The following WDR24 variants were observed in gnomAD, a reference collection of about 807,000 sequenced individuals.
The protein encoded by WDR24 is WD repeat domain 24, also known as GATOR2 complex protein WDR24.
WDR24 carries 32 observed loss-of-function variants against 66.7 expected under a neutral mutation model. The observed-to-expected ratio is 0.48, with a 90% confidence interval of 0.36 to 0.64. The LOEUF (loss-of-function observed/expected upper bound fraction) is 0.64. Ranked by LOEUF, WDR24 falls within the 30% of genes least tolerant of loss-of-function variation. The pLI is 0.00. For synonymous variants in WDR24, 565 were observed against 469.1 expected, an observed-to-expected ratio of 1.20 and a Z score of -2.64; for missense variants, 978 against 1,144.1, an observed-to-expected ratio of 0.85 and a Z score of 2.09.
chr16:688,546 C>T (rs2039934784), intron 1 of WDR24, among the ~76,000 whole-genome samples: 1 of 152,244 alleles, frequency 6.6e-6, no homozygotes, highest in African/African-American at 2.4e-5. Flanking sequence ...CCTGCCTCGG[C>T]CTCCCAAAGT....
Position 687,080 on chromosome 16 carries a change from G to C in WDR24, c.996C>G (p.Ser332Arg). ...CAGGGTTGGCGCGCTCGACGGGCTG[G>C]CTGGCGTCGCGGAACAGGTGCTGGC... ...SLCQHLFRDA[S>R]QPVERANPEG... is the part of the protein sequence containing the mutation. Residue 332 changes from serine (S) to arginine (R), a missense_variant, in exon 3 of 9, where the codon AGC becomes AGG. By Grantham distance (110) the Ser-to-Arg change is moderately radical (BLOSUM62 -1). Around this residue, in one of 2 missense-constraint regions of WDR24, gnomAD observed 302 missense variants for 526.6 expected, o/e 0.57. Transcript: ENST00000293883. The C allele has an allele frequency of 1.2e-6, 2 of 1,607,252 alleles. No homozygotes were observed. Among genetic ancestry groups the C allele is most frequent in the South Asian group, 1.1e-5 (1 of 90,912 alleles).
At chr16:688,691 C>T (rs943891013) in intron 1 of WDR24, among the ~76,000 whole-genome samples, 1 of 152,272 alleles carries the variant, frequency 6.6e-6, no homozygotes, top group African/African-American at 2.4e-5. Context: ...GGAGAGCTGG[C>T]TCAGGGCAGC....
In WDR24 at chr16:687,254, C is replaced by T; in HGVS notation, c.822G>A (p.Val274=). 6.2e-7 allele frequency: 1 copy of T among 1,612,318 alleles called. No homozygotes were observed. The highest frequency in any genetic ancestry group is 8.5e-7 in the Non-Finnish European group (1 of 1,179,930). The change falls in exon 3 of 9, where the codon GTG becomes GTA. Residue 274 remains valine, a synonymous_variant. Transcript: ENST00000293883. ...CGTCCCAAACATAGATGTTGTGGTCCACCATCATGGAGCACGTGGCCAGGT... is the reference window on the plus strand; with the variant it reads ...CGTCCCAAACATAGATGTTGTGGTCTACCATCATGGAGCACGTGGCCAGGT... The part of the protein sequence containing the change: ...RHHLATCSMM[V]DHNIYVWDVR...
chr16:685,996 G>A lies in WDR24; in HGVS notation c.1452-6C>T, dbSNP rs2039899859. 1 of 1,613,024 alleles carries A rather than the reference G, an allele frequency of 6.2e-7. No homozygotes were observed. Among genetic ancestry groups the A allele is most frequent in the East Asian group, 2.2e-5 (1 of 44,880 alleles). ...CCATATCCTTCAGGTTGAAACTGGG[G>A]GCAGGAAGGGCCCATGGGTGGGTGG... is the stretch of plus-strand genomic sequence containing the variant. On this transcript the variant is annotated splice_polypyrimidine_tract_variant and splice_region_variant and intron_variant, in intron 4 of 8. Coordinates refer to ENST00000293883, the MANE Select transcript of WDR24 (RefSeq NM_032259.4).
At chr16:688,507 G>A (rs541339525) in intron 1 of WDR24, among the ~76,000 whole-genome samples, 2 of 152,338 alleles carry the variant, frequency 1.3e-5, no homozygotes, top group Admixed American at 1.3e-4. Context: ...TTAGCCAGGA[G>A]GGTCTCAATC....
At position 684,733 on chromosome 16, in the gene WDR24, G is replaced by A. The variant is rs1467789673; in HGVS notation, c.*1C>T. ...CCCGGGCAAGCCCAGCAGATGCCCC[G>A]TCAGGAGTACTCGCAGAGGTGGCCG... is the stretch of plus-strand genomic sequence containing the variant. On this transcript the variant is annotated 3_prime_UTR_variant, in exon 9 of 9. Coordinates refer to ENST00000293883, the MANE Select transcript of WDR24 (RefSeq NM_032259.4). 2 of 1,591,942 alleles carry A rather than the reference G, an allele frequency of 1.3e-6. No homozygotes were observed. The highest frequency in any genetic ancestry group is 1.7e-5 in the Admixed American group (1 of 58,550).
Position 685,920 on chromosome 16 carries a change from G to C in WDR24, c.1522C>G (p.Arg508Gly). 6.2e-7 allele frequency: 1 copy of C among 1,613,096 alleles called. No homozygotes were observed. Among genetic ancestry groups the C allele is most frequent in the Non-Finnish European group, 8.5e-7 (1 of 1,179,990 alleles). Residue 508 changes from arginine (R) to glycine (G), a missense_variant, in exon 5 of 9, where the codon CGG becomes GGG. Arg to Gly is a moderately radical substitution (Grantham distance 125). Around this residue, in one of 2 missense-constraint regions of WDR24, gnomAD observed 676 missense variants for 617.5 expected, o/e 1.09. Coordinates refer to ENST00000293883, the MANE Select transcript of WDR24 (RefSeq NM_032259.4). ...TRLDRSKGDA[R>G]SDTVLLDSSA... ...GAGTCGAGCAGAACTGTGTCGCTCC[G>C]TGCATCTCCTTTGCTGCGGTCCAGC...
rs2039942357 is a variant in WDR24, at chr16:689,333, T to C, written c.308A>G (p.Asn103Ser). 1.2e-6 allele frequency: 2 copies of C among 1,613,656 alleles called. No homozygotes were observed. Among genetic ancestry groups the C allele is most frequent in the Non-Finnish European group, 1.7e-6 (2 of 1,179,978 alleles). Residue 103 changes from asparagine to serine, a missense_variant, in exon 1 of 9, where the codon AAC becomes AGC. Transcript: ENST00000293883. ...CTTGTTGCGGGATGGCCGGCCCAGG[T>C]TCCACGTGACCACCACGCCATTGGT... ...AATNGVVVTW[N>S]LGRPSRNKQD...
chr16:686,927 C>T lies in WDR24; in HGVS notation c.1149G>A (p.Leu383=), dbSNP rs1483303221. ...GGCCTGCGAAGGGCTCGGCAGGGTCCAGCTTGCGCTTAAAGAAGATGGGGT... is the reference window on the plus strand; with the variant it reads ...GGCCTGCGAAGGGCTCGGCAGGGTCTAGCTTGCGCTTAAAGAAGATGGGGT... ...RRHPIFFKRK[L]DPAEPFAGLA... is the part of the protein sequence containing the mutation. Residue 383 remains leucine (L), a synonymous_variant, in exon 3 of 9, where the codon CTG becomes CTA. Coordinates refer to ENST00000293883, the MANE Select transcript of WDR24 (RefSeq NM_032259.4). 1 of 1,605,270 alleles carries T rather than the reference C, an allele frequency of 6.2e-7. No individual in the cohort carries two copies. The highest frequency in any genetic ancestry group is 8.5e-7 in the Non-Finnish European group (1 of 1,178,532).
Position 686,869 on chromosome 16 carries a change from C to T in WDR24, c.1207G>A (p.Glu403Lys). The T allele has an allele frequency of 6.2e-7, 1 of 1,610,230 alleles. No individual in the cohort carries two copies. The highest frequency in any genetic ancestry group is 8.5e-7 in the Non-Finnish European group (1 of 1,179,690). ...CAGCGCATGCCGCCGCCACCTGGCT[C>T]CGTCTCAAAGACACTGAGGGCACTG... ...ASSALSVFETEPGGGGMRWFV... is the reference protein window; with the variant it reads ...ASSALSVFETKPGGGGMRWFV... The change falls in exon 3 of 9, where the codon GAG becomes AAG. Residue 403 changes from glutamate (E) to lysine (K), a missense_variant. Coordinates refer to ENST00000293883, the MANE Select transcript of WDR24 (RefSeq NM_032259.4).
At position 685,527 on chromosome 16, in the gene WDR24, G is replaced by T. The variant is rs2039886372; in HGVS notation, c.1749C>A (p.Pro583=). ...PLRHEIVDTP[P]GPEHLQDKAD... ...CCTTGTCCTGCAGGTGCTCGGGCCC[G>T]GGAGGCGTGTCCACGATCTCGTGGC... Residue 583 remains proline (P), a synonymous_variant, in exon 7 of 9, where the codon CCC becomes CCA. Transcript: ENST00000293883. 1.3e-6 allele frequency: 2 copies of T among 1,588,214 alleles called. No individual in the cohort carries two copies. Among genetic ancestry groups the T allele is most frequent in the Non-Finnish European group, 8.6e-7 (1 of 1,164,404 alleles).
intron 5 of WDR24, 25 bp from the exon 6 acceptor site, chr16:685,808 C>T (rs1265562491): frequency 1.2e-6 from 2 of 1,613,110 alleles, no homozygotes; most frequent in Non-Finnish European, 1.7e-6. Context: ...GGCGGGCATT[C>T]AGGGTCGTCT....
Position 686,628 on chromosome 16 carries a change from T to A in WDR24, c.1332+116A>T, listed in dbSNP as rs550005532. On this transcript the variant is annotated intron_variant, in intron 3 of 8. Transcript: ENST00000293883. ...CAGCTACCAAGGCAAGGCCTGTTGG[T>A]GCGACTGGCTGGAGTCCATTGCGGA... The A allele has an allele frequency of 6.9e-6, 9 of 1,304,406 alleles. No homozygotes were observed. The South Asian group carries it at 8.5e-5, about 12-fold the overall frequency. The allele number at this position is 1,304,406 out of a possible 1,614,324, so 80.8% of individuals were successfully genotyped here.
In WDR24 at chr16:688,629, C is replaced by T. The variant is rs187423991; in HGVS notation, c.481+531G>A. 2.0e-5 allele frequency among the ~76,000 whole-genome samples: 3 copies of T among 152,344 alleles called. No individual in the cohort carries two copies. In the East Asian group the frequency reaches 5.8e-4, roughly 29 times the overall value. ...AAGTGGCCTGAAAATTCTCTGAGGC[C>T]CCTGAGGGCTCCGCCTTGTGCTTCA... On this transcript the variant is annotated intron_variant, in intron 1 of 8. Transcript: ENST00000293883.
Position 686,072 on chromosome 16 carries a change from T to G in WDR24, c.1447A>C (p.Asn483His). The change falls in exon 4 of 9, where the codon AAC (asparagine) becomes CAC (histidine). Residue 483 changes from asparagine (N) to histidine (H), a missense_variant. This residue lies in a region of WDR24 where 676 missense variants were observed against 617.5 expected (regional missense o/e 1.09). Coordinates refer to ENST00000293883, the MANE Select transcript of WDR24 (RefSeq NM_032259.4). ...AGAGCTGCCCCCGGCATCTACCTGTTCATGAGCGGGAGGCCACAGGAGCCA... is the reference window on the plus strand; with the variant it reads ...AGAGCTGCCCCCGGCATCTACCTGTGCATGAGCGGGAGGCCACAGGAGCCA... ...KGGSCGLPLM[N>H]SFNLKDMAPG... The G allele has an allele frequency of 6.2e-7, 1 of 1,612,942 alleles. No individual in the cohort carries two copies. The highest frequency in any genetic ancestry group is 8.5e-7 in the Non-Finnish European group (1 of 1,179,948).
Position 690,134 on chromosome 16 carries a change from G to C in WDR24, c.-494C>G, listed in dbSNP as rs1383887444. On this transcript the variant is annotated 5_prime_UTR_variant, in exon 1 of 9. Transcript: ENST00000293883. ...GGGAACAGAGGGCTAGAGGGGCCCG[G>C]GGACTCAGGCGATAGACGCGGGAAG... 2.3e-6 allele frequency: 1 copy of C among 442,506 alleles called. No individual in the cohort carries two copies. The highest frequency in any genetic ancestry group is 4.6e-6 in the Non-Finnish European group (1 of 219,706). 27.4% of individuals were successfully genotyped at this position (442,506 alleles called of 1,614,324 possible). A position where few individuals can be genotyped will look rare whatever the true frequency, so the allele number is the denominator to read the frequency against.
Position 689,544 on chromosome 16 carries a change from T to C in WDR24, c.97A>G (p.Ser33Gly). Residue 33 changes from serine (S) to glycine (G), a missense_variant, in exon 1 of 9, where the codon AGT becomes GGT. Around this residue, in one of 2 missense-constraint regions of WDR24, gnomAD observed 302 missense variants for 526.6 expected, o/e 0.57. Coordinates refer to ENST00000293883, the MANE Select transcript of WDR24 (RefSeq NM_032259.4). Reference protein sequence around the residue: ...CHLDAPANAISVCRDAAQVVV... With the variant: ...CHLDAPANAIGVCRDAAQVVV... ...ACCTGGGCTGCGTCGCGGCACACAC[T>C]GATGGCATTGGCGGGAGCATCCAGG... 1 of 1,613,214 alleles carries C rather than the reference T, an allele frequency of 6.2e-7. No homozygotes were observed. The highest frequency in any genetic ancestry group is 8.5e-7 in the Non-Finnish European group (1 of 1,180,036).
chr16:685,070 T>C lies in WDR24; in HGVS notation c.2126A>G (p.Asn709Ser), dbSNP rs1243503827. The stretch of plus-strand genomic sequence containing the variant: ...GACGTGCAGGGTGGTGGAGGCCTGG[T>C]TGAGGCAGCTGACGGCGCGGCTGGT... Reference protein sequence around the residue: ...LSTSRAVSCLNQASTTLHVNC... With the variant: ...LSTSRAVSCLSQASTTLHVNC... Residue 709 changes from asparagine to serine, a missense_variant, in exon 8 of 9, where the codon AAC becomes AGC. Transcript: ENST00000293883. 3 of 1,558,282 alleles carry C rather than the reference T, an allele frequency of 1.9e-6. No individual in the cohort carries two copies. Among genetic ancestry groups the C allele is most frequent in the African/African-American group, 1.4e-5 (1 of 73,578 alleles).
Position 690,268 on chromosome 16 carries a change from G to C in WDR24, c.-628C>G. On this transcript the variant is annotated 5_prime_UTR_variant, in exon 1 of 9. Transcript: ENST00000293883. Reference sequence around the variant, plus strand: ...CCCGGAGTACAGGGTTCCTGGGAGCGGCGCAGTGGCGCGGGGGAGCGGACG... The same window carrying C: ...CCCGGAGTACAGGGTTCCTGGGAGCCGCGCAGTGGCGCGGGGGAGCGGACG... The C allele has an allele frequency of 7.0e-6, 3 of 429,880 alleles. No individual in the cohort carries two copies. The highest frequency in any genetic ancestry group is 6.3e-4 in the Middle Eastern group (1 of 1,596). The allele number at this position is 429,880 out of a possible 1,614,324, so 26.6% of individuals were successfully genotyped here.
Sources: gnomAD v4.1 joint callset for allele counts (sites outside exome capture counted in the v4.1 genomes callset) on GRCh38, gnomAD v4.1.1 for gene constraint, gnomAD v4.1.1 regional missense constraint, MANE v1.5 for transcripts, NCBI Gene and HGNC (gene_info 2026-07-23, HGNC 2026-07-21) for gene names.